The following PTPRD variants were observed in gnomAD, a reference collection of about 807,000 sequenced individuals.
PTPRD encodes the protein protein tyrosine phosphatase receptor type D.
Under a neutral mutation model 214.5 loss-of-function variants are expected in PTPRD, and 34 were observed. The ratio of observed to expected loss-of-function variants is 0.16; its 90% CI spans 0.12 to 0.21. PTPRD has a LOEUF of 0.21. Among genes scored for constraint, PTPRD ranks in the 10% least tolerant of loss-of-function variants. The probability of loss-of-function intolerance (pLI) is 1.00; values close to 1 mark genes in which losing one functional copy is unlikely to be tolerated. For synonymous variants in PTPRD, 1,128 were observed against 845.7 expected (o/e 1.33, Z -5.79); for missense variants, 2,545 against 2,398.7 (o/e 1.06, Z -1.27).
At chr9:9,233,959 C>T (rs1195838311) in intron 9 of PTPRD, among the ~76,000 whole-genome samples, 2 of 152,136 alleles carry the variant, frequency 1.3e-5, no homozygotes, top group Non-Finnish European at 2.9e-5. Flanking sequence ...ATCTAGCATC[C>T]TGGGGTCTGG....
chr9:9,799,969 T>A (rs1456450908), intron 5 of PTPRD, among the ~76,000 whole-genome samples: 1 of 152,160 alleles, frequency 6.6e-6, no homozygotes, highest in African/African-American at 2.4e-5. Context: ...GAAATTCCTT[T>A]CAGTCTCCAA....
chr9:10,307,343 G>C (rs1219692490), intron 3 of PTPRD, among the ~76,000 whole-genome samples: 1 of 151,922 alleles, frequency 6.6e-6, no homozygotes, highest in Non-Finnish European at 1.5e-5. Context: ...TTCTGTGCCT[G>C]GCTTATTTCA....
intron 8 of PTPRD, among the ~76,000 whole-genome samples, chr9:9,555,296 T>C (rs1000357896): frequency 6.6e-6 from 1 of 152,086 alleles, no homozygotes; most frequent in African/African-American, 2.4e-5. Flanking sequence ...TGTTTACCTA[T>C]ATAAACCTGA....
chr9:9,772,455 G>A (rs1434904322), intron 5 of PTPRD, among the ~76,000 whole-genome samples: 1 of 152,082 alleles, frequency 6.6e-6, no homozygotes, highest in Non-Finnish European at 1.5e-5. Flanking sequence ...TATCCTTAGT[G>A]TTCTTGCATT....
At position 10,390,678 on chromosome 9, in the gene PTPRD, G is replaced by C. The variant is rs565797487; in HGVS notation, c.-599-49661C>G. 2.0e-4 allele frequency among the ~76,000 whole-genome samples: 31 copies of C among 151,668 alleles called. No individual in the cohort carries two copies. In the South Asian group the frequency reaches 6.2e-3, roughly 30 times the overall value. On this transcript the variant is annotated intron_variant, in intron 2 of 45. Coordinates refer to ENST00000381196, the MANE Select transcript of PTPRD (RefSeq NM_002839.4). ...AGAACATACTTTTCTCTTCAAGATG[G>C]GGAAATAAGTGCAAGAAAGGGGCTC...
intron 11 of PTPRD, among the ~76,000 whole-genome samples, chr9:8,849,198 C>G (rs962465737): frequency 1.9e-5 from 2 of 104,542 alleles, no homozygotes; most frequent in African/African-American, 6.6e-5. Flanking sequence ...TTTTTTGAGA[C>G]GGAGTCTCGC....
intron 2 of PTPRD, among the ~76,000 whole-genome samples, chr9:10,600,705 C>T (rs1341876247): frequency 6.6e-6 from 1 of 151,650 alleles, no homozygotes; most frequent in Non-Finnish European, 1.5e-5. Context: ...ATTTGTTGTG[C>T]AGAATAATAT....
chr9:8,317,422 A>ATGT lies in PTPRD; in HGVS notation c.*449_*451dup. 4.3e-6 allele frequency: 1 copy of ATGT among 233,230 alleles called. No individual in the cohort carries two copies. The highest frequency in any genetic ancestry group is 6.1e-5 in the East Asian group (1 of 16,504). The allele number at this position is 233,230 out of a possible 1,614,324, so 14.4% of individuals were successfully genotyped here. A position where few individuals can be genotyped will look rare whatever the true frequency, so the allele number is the denominator to read the frequency against. ...ACATTCCCTCCCCTTTCCCCCTAAAATGTTATTATGAGCAGTATGGTGGGA... is the reference window on the plus strand; with the variant it reads ...ACATTCCCTCCCCTTTCCCCCTAAAATGTTGTTATTATGAGCAGTATGGTGGGA... On this transcript the variant is annotated 3_prime_UTR_variant, in exon 46 of 46. Transcript: ENST00000381196.
chr9:9,587,104 G>A (rs78954803), intron 7 of PTPRD, among the ~76,000 whole-genome samples: 7,247 of 151,886 alleles, frequency 0.048, 539 homozygotes, highest in African/African-American at 0.16. Flanking sequence ...GTTGTAAAGA[G>A]GGGAGACAAA....
chr9:8,621,478 G>C (rs76185784), intron 14 of PTPRD, among the ~76,000 whole-genome samples: 2 of 151,876 alleles, frequency 1.3e-5, no homozygotes, highest in South Asian at 2.1e-4. Context: ...AACCCCAGTC[G>C]TACTGGGCAA....
intron 11 of PTPRD, among the ~76,000 whole-genome samples, chr9:8,959,237 T>C (rs1208944121): frequency 6.6e-6 from 1 of 151,958 alleles, no homozygotes; most frequent in African/African-American, 2.4e-5. Flanking sequence ...AAAGTTTTTA[T>C]GAGTGCTATG....
chr9:10,391,525 T>C (rs1157846241), intron 2 of PTPRD, among the ~76,000 whole-genome samples: 3 of 151,764 alleles, frequency 2.0e-5, no homozygotes, highest in Non-Finnish European at 4.4e-5. Flanking sequence ...TTATTTTTCT[T>C]ATAGTTAAGA....
At chr9:9,808,950 ATTTT>A (rs59065058) in intron 5 of PTPRD, among the ~76,000 whole-genome samples, 58,184 of 142,198 alleles carry the variant, frequency 0.41, 13,033 homozygotes, top group African/African-American at 0.63. Flanking sequence ...TTTATTTTGT[ATTTT>A]TTTTTTTTTT....
chr9:8,338,778 T>TAA (rs35311961), intron 43 of PTPRD, 144 bp downstream of exon 43: 8,449 of 571,288 alleles, frequency 0.015, no homozygotes, highest in Non-Finnish European at 0.017. Flanking sequence ...ATATTAAACA[T>TAA]AAAAAAAAAC....
chr9:10,267,381 C>T lies in PTPRD; in HGVS notation c.-545+73582G>A, dbSNP rs535052397. Among the ~76,000 whole-genome samples, 114 of 152,044 alleles carry T rather than the reference C, an allele frequency of 7.5e-4. 4 individuals carry two copies. The South Asian group carries it at 0.023, about 30-fold the overall frequency. ...AAGAACAAATTTATATAGGAAGCAACTATGGTTTAAGCAATGAAAAAAATG... is the reference window on the plus strand; with the variant it reads ...AAGAACAAATTTATATAGGAAGCAATTATGGTTTAAGCAATGAAAAAAATG... On this transcript the variant is annotated intron_variant, in intron 3 of 45. Transcript: ENST00000381196.
At chr9:9,641,076 T>TG (rs778427058) in intron 7 of PTPRD, among the ~76,000 whole-genome samples, 35,455 of 151,876 alleles carry the variant, frequency 0.23, 5,056 homozygotes, top group Non-Finnish European at 0.32. Flanking sequence ...GAGGTAATAA[T>TG]GAAAGCTATA....
At chr9:8,827,537 G>A (rs894328818) in intron 11 of PTPRD, among the ~76,000 whole-genome samples, 10 of 152,218 alleles carry the variant, frequency 6.6e-5, no homozygotes, top group African/African-American at 2.2e-4. Context: ...AACCCAGGAG[G>A]CAGAGGCTGC....
At chr9:10,153,619 G>A (rs1397996542) in intron 3 of PTPRD, among the ~76,000 whole-genome samples, 1 of 151,934 alleles carries the variant, frequency 6.6e-6, no homozygotes, top group Non-Finnish European at 1.5e-5. Context: ...GAGGTTTCTT[G>A]TACAGATTAT....
intron 36 of PTPRD, among the ~76,000 whole-genome samples, chr9:8,399,109 T>C (rs1477141618): frequency 6.6e-6 from 1 of 151,526 alleles, no homozygotes; most frequent in Non-Finnish European, 1.5e-5. Flanking sequence ...TTTTTTTTTT[T>C]TTTTCCTTGA....
Sources: gnomAD v4.1 joint callset for allele counts (sites outside exome capture counted in the v4.1 genomes callset) on GRCh38, gnomAD v4.1.1 for gene constraint, MANE v1.5 for transcripts, NCBI Gene and HGNC (gene_info 2026-07-23, HGNC 2026-07-21) for gene names.